SLC24A3: variants seen among roughly 807,000 people sequenced by gnomAD.
SLC24A3 encodes solute carrier family 24 member 3, also known as sodium/potassium/calcium exchanger 3.
A neutral mutation model predicts 75.8 loss-of-function variants in SLC24A3; 28 were observed. The ratio of observed to expected loss-of-function variants is 0.37; its 90% CI spans 0.27 to 0.51. The LOEUF is 0.51. Among genes scored for constraint, SLC24A3 ranks in the 20% least tolerant of loss-of-function variants. The pLI is 0.94. For synonymous variants in SLC24A3, 372 were observed against 334.1 expected, an observed-to-expected ratio of 1.11 and a Z score of -1.24; for missense variants, 663 against 847.8, an observed-to-expected ratio of 0.78 and a Z score of 2.71.
chr20:19,363,820 T>C (rs1425174006), intron 2 of SLC24A3, among the ~76,000 whole-genome samples: 2 of 152,202 alleles, frequency 1.3e-5, no homozygotes, highest in Admixed American at 6.5e-5. Flanking sequence ...AAATAGTTCC[T>C]GCAGAATGAA....
chr20:19,428,697 G>A (rs1987053508), intron 2 of SLC24A3, among the ~76,000 whole-genome samples: 1 of 152,306 alleles, frequency 6.6e-6, no homozygotes, highest in South Asian at 2.1e-4. Context: ...TTGTAGTTCC[G>A]AGTTCTTACC....
chr20:19,386,713 GT>G (rs1986279260), intron 2 of SLC24A3, among the ~76,000 whole-genome samples: 1 of 152,144 alleles, frequency 6.6e-6, no homozygotes, highest in Admixed American at 6.5e-5. Flanking sequence ...GATTTGTCAT[GT>G]TAATTGATTT....
chr20:19,633,349 T>C (rs2031958239), intron 6 of SLC24A3, among the ~76,000 whole-genome samples: 1 of 152,164 alleles, frequency 6.6e-6, no homozygotes. Context: ...AAATTCATTC[T>C]TATAAGAATG....
chr20:19,598,111 G>A (rs954794148), intron 6 of SLC24A3, among the ~76,000 whole-genome samples: 2 of 152,112 alleles, frequency 1.3e-5, no homozygotes, highest in African/African-American at 4.8e-5. Context: ...AAAGTTTGAG[G>A]GGTGTTTTTG....
intron 6 of SLC24A3, among the ~76,000 whole-genome samples, chr20:19,589,422 G>T (rs1276185114): frequency 6.6e-6 from 1 of 152,192 alleles, no homozygotes; most frequent in African/African-American, 2.4e-5. Context: ...CAGCTTGCTG[G>T]GCTCAGGCGG....
intron 2 of SLC24A3, among the ~76,000 whole-genome samples, chr20:19,311,465 T>A (rs189031497): frequency 6.6e-6 from 1 of 152,074 alleles, no homozygotes; most frequent in East Asian, 1.9e-4. Context: ...CCCTCAGGGA[T>A]CACATGCGGA....
intron 6 of SLC24A3, among the ~76,000 whole-genome samples, chr20:19,620,268 G>T (rs2031786571): frequency 6.6e-6 from 1 of 152,084 alleles, no homozygotes; most frequent in African/African-American, 2.4e-5. Context: ...TTTTTCCTTT[G>T]GAATAAAAGA....
intron 1 of SLC24A3, among the ~76,000 whole-genome samples, chr20:19,262,246 C>T (rs893408626): frequency 2.7e-5 from 4 of 147,646 alleles, no homozygotes; most frequent in African/African-American, 9.8e-5. Flanking sequence ...TACTAAAAAA[C>T]ACAAAAAAAT....
rs11470026 is a variant in SLC24A3 at position 19,224,121 on chromosome 20, A to AGTGT, written c.142+11161_142+11164dup. ...TGTACCCATGTGGTGTGAGTGTGTGAGTGTGTGTGTGTGTGTGTGTGTGTG... is the reference window on the plus strand; with the variant it reads ...TGTACCCATGTGGTGTGAGTGTGTGAGTGTGTGTGTGTGTGTGTGTGTGTGTGTG... On this transcript the variant is annotated intron_variant, in intron 1 of 16. Coordinates refer to ENST00000328041, the MANE Select transcript of SLC24A3 (RefSeq NM_020689.4). 3.2e-3 allele frequency among the ~76,000 whole-genome samples: 479 copies of AGTGT among 149,300 alleles called. 3 individuals carry two copies. The highest frequency in any genetic ancestry group is 0.011 in the African/African-American group (447 of 40,636).
chr20:19,384,396 T>G (rs1246515870), intron 2 of SLC24A3, among the ~76,000 whole-genome samples: 1 of 152,206 alleles, frequency 6.6e-6, no homozygotes, highest in African/African-American at 2.4e-5. Context: ...GCTTGACTTT[T>G]TTAGATTCCA....
At chr20:19,715,542 G>C (rs1271959672) in intron 15 of SLC24A3, among the ~76,000 whole-genome samples, 1 of 152,208 alleles carries the variant, frequency 6.6e-6, no homozygotes, top group African/African-American at 2.4e-5. Context: ...CAAGTCACGA[G>C]AGAAAGAGTC....
At chr20:19,470,821 C>T (rs143917150) in intron 2 of SLC24A3, among the ~76,000 whole-genome samples, 3 of 152,168 alleles carry the variant, frequency 2.0e-5, no homozygotes, top group Non-Finnish European at 4.4e-5. Flanking sequence ...TCACGTAGAC[C>T]CAGACATTTA....
intron 1 of SLC24A3, among the ~76,000 whole-genome samples, chr20:19,216,251 G>C (rs1600378288): frequency 6.6e-6 from 1 of 151,690 alleles, no homozygotes; most frequent in African/African-American, 2.4e-5. Context: ...ATTTTGAGTG[G>C]TTTAAAAGTG....
chr20:19,700,079 A>G (rs752533345), intron 15 of SLC24A3, among the ~76,000 whole-genome samples: 4 of 152,222 alleles, frequency 2.6e-5, no homozygotes, highest in African/African-American at 9.6e-5. Flanking sequence ...GAGGTATGCA[A>G]GGATTAAATA....
chr20:19,644,058 C>T (rs2122700565), intron 6 of SLC24A3, among the ~76,000 whole-genome samples: 1 of 152,218 alleles, frequency 6.6e-6, no homozygotes, highest in Non-Finnish European at 1.5e-5. Flanking sequence ...AGGGTGATTT[C>T]CCCCAGCATC....
intron 2 of SLC24A3, among the ~76,000 whole-genome samples, chr20:19,473,578 C>T (rs907496669): frequency 5.9e-5 from 9 of 152,252 alleles, no homozygotes; most frequent in Non-Finnish European, 1.0e-4. Context: ...ATTCCCATTT[C>T]TGAGGTCATG....
chr20:19,511,569 C>T (rs1430241210), intron 2 of SLC24A3, among the ~76,000 whole-genome samples: 10 of 152,248 alleles, frequency 6.6e-5, no homozygotes, highest in South Asian at 2.1e-4. Flanking sequence ...CCTTGTGATC[C>T]GCCCACATCG....
chr20:19,313,120 T>C (rs1984501546), intron 2 of SLC24A3, among the ~76,000 whole-genome samples: 1 of 133,100 alleles, frequency 7.5e-6, no homozygotes, highest in Admixed American at 8.6e-5. Context: ...CACTGCAAAC[T>C]CTGCTTCCCA....
intron 7 of SLC24A3, among the ~76,000 whole-genome samples, chr20:19,662,468 C>A (rs1310608530): frequency 6.6e-6 from 1 of 152,248 alleles, no homozygotes; most frequent in Non-Finnish European, 1.5e-5. Context: ...TGAGGTGATT[C>A]CCTTCCTTCC....
Sources: gnomAD v4.1 joint callset for allele counts (sites outside exome capture counted in the v4.1 genomes callset) on GRCh38, gnomAD v4.1.1 for gene constraint, MANE v1.5 for transcripts, NCBI Gene and HGNC (gene_info 2026-07-23, HGNC 2026-07-21) for gene names.